SRPK1: variants seen among roughly 807,000 people sequenced by gnomAD.
SRPK1 encodes SFRS protein kinase 1.
SRPK1 carries 52 observed loss-of-function variants against 89.5 expected under a neutral mutation model. That is an observed-to-expected ratio of 0.58 (90% CI 0.46 to 0.73). SRPK1 has a LOEUF of 0.73. Among genes scored for constraint, SRPK1 ranks in the 30% least tolerant of loss-of-function variants. The pLI, the probability that SRPK1 is intolerant of heterozygous loss-of-function variation, is 0.00. For missense variants in SRPK1, 603 were observed against 780.6 expected (o/e 0.77, Z 2.71); for synonymous variants, 255 against 270.2 (o/e 0.94, Z 0.55).
chr6:35,852,507 T>C (rs1202540348), intron 13 of SRPK1, among the ~76,000 whole-genome samples: 2 of 152,176 alleles, frequency 1.3e-5, no homozygotes, highest in Admixed American at 6.5e-5. Flanking sequence ...ACTCAAAATA[T>C]TACTTACTAA....
At chr6:35,864,124 G>T (rs1769844539) in intron 12 of SRPK1, among the ~76,000 whole-genome samples, 1 of 152,152 alleles carries the variant, frequency 6.6e-6, no homozygotes. Context: ...CCAGGACACT[G>T]GTCTGGGCAA....
In SRPK1 at chr6:35,873,097, A is replaced by G. The variant is rs562119941; in HGVS notation, c.586-369T>C. 6.6e-5 allele frequency among the ~76,000 whole-genome samples: 10 copies of G among 152,344 alleles called. 1 individual carries two copies. The South Asian group carries it at 1.4e-3, about 22-fold the overall frequency. ...TTAATTCAAATTTCCTCACTGAGGAAGAATTGAGGTCTCTTGCTGCCCAGT... is the reference window on the plus strand; with the variant it reads ...TTAATTCAAATTTCCTCACTGAGGAGGAATTGAGGTCTCTTGCTGCCCAGT... On this transcript the variant is annotated intron_variant, in intron 7 of 15. Transcript: ENST00000373825.
Position 35,920,443 on chromosome 6 carries a change from T to C in SRPK1, c.74+25A>G, listed in dbSNP as rs760823470. 7 of 1,610,534 alleles carry C rather than the reference T, an allele frequency of 4.3e-6. No homozygotes were observed. The East Asian group carries it at 1.3e-4, about 31-fold the overall frequency. On this transcript the variant is annotated intron_variant, in intron 2 of 15. Coordinates refer to ENST00000373825, the MANE Select transcript of SRPK1 (RefSeq NM_003137.5). ...AGGTGCCGGAGGAAAATCCAAAGAA[T>C]GGGATGTTGGGGTACAAGACTCACT...
intron 11 of SRPK1, 25 bp downstream of exon 11, chr6:35,869,457 T>C: frequency 6.2e-7 from 1 of 1,602,602 alleles, no homozygotes; most frequent in South Asian, 1.1e-5. Context: ...GAAGGAGTGT[T>C]GAGGAAGTAT....
At chr6:35,873,492 C>CTT (rs141573769) in intron 7 of SRPK1, among the ~76,000 whole-genome samples, 12 of 147,352 alleles carry the variant, frequency 8.1e-5, no homozygotes, top group South Asian at 2.1e-4. Context: ...TAGCAATTAA[C>CTT]TTTTTTTTTT....
Position 35,886,781 on chromosome 6 carries a change from T to A in SRPK1, c.421A>T (p.Arg141Ter). 6.2e-7 allele frequency: 1 copy of A among 1,611,216 alleles called. No individual in the cohort carries two copies. Among genetic ancestry groups the A allele is most frequent in the Non-Finnish European group, 8.5e-7 (1 of 1,177,542 alleles). The change falls in exon 6 of 16, where the codon AGA becomes TGA. Residue 141 changes from arginine (R) to a stop codon, truncating the protein, a stop_gained. Transcript: ENST00000373825. LOFTEE classifies it high-confidence loss of function. ...VRNSDPNDPN[R>*]EMVVQLLDDF... ...TCTAGTAGTTGAACAACCATTTCTC[T>A]ATTTGGATCATTAGGGTCTGAATTG...
chr6:35,892,696 A>G (rs1216830092), intron 2 of SRPK1, among the ~76,000 whole-genome samples: 1 of 151,596 alleles, frequency 6.6e-6, no homozygotes, highest in South Asian at 2.1e-4. Flanking sequence ...CAACGACAAC[A>G]ACACAAAACA....
intron 2 of SRPK1, among the ~76,000 whole-genome samples, chr6:35,909,038 A>T (rs1260306722): frequency 6.6e-6 from 1 of 152,220 alleles, no homozygotes; most frequent in African/African-American, 2.4e-5. Flanking sequence ...GCAAAGGGGA[A>T]ATGTGGGGCT....
chr6:35,888,464 T>C (rs1348598047), intron 4 of SRPK1, among the ~76,000 whole-genome samples: 2 of 152,174 alleles, frequency 1.3e-5, no homozygotes, highest in South Asian at 2.1e-4. Context: ...TATATCTGTA[T>C]ATAGGCAAAA....
chr6:35,920,580 C>G (rs1771213230), intron 1 of SRPK1, 52 bp from the exon 2 acceptor site: 1 of 1,584,014 alleles, frequency 6.3e-7, no homozygotes, highest in East Asian at 2.3e-5. Context: ...AGGAGGCGAC[C>G]AAGGTGAGGG....
At chr6:35,850,076 T>C (rs534739001) in intron 13 of SRPK1, among the ~76,000 whole-genome samples, 11 of 151,990 alleles carry the variant, frequency 7.2e-5, no homozygotes, top group Admixed American at 3.3e-4. Context: ...AATCGGGAGA[T>C]GATTAAAGAG....
chr6:35,838,633 G>A, intron 14 of SRPK1: 1 of 1,555,434 alleles, frequency 6.4e-7, no homozygotes, highest in Non-Finnish European at 8.7e-7. Flanking sequence ...TGGATTCAGT[G>A]ATAACTAAAA....
chr6:35,919,951 A>G, intron 2 of SRPK1: 1 of 394,176 alleles, frequency 2.5e-6, no homozygotes, highest in South Asian at 1.9e-5. Context: ...AGGCTCAGGA[A>G]GTTGACTAAC....
At chr6:35,894,572 CT>C (rs1209598221) in intron 2 of SRPK1, among the ~76,000 whole-genome samples, 1 of 151,958 alleles carries the variant, frequency 6.6e-6, no homozygotes, top group Non-Finnish European at 1.5e-5. Context: ...AACGGAAGCT[CT>C]ACTTAATTTT....
Position 35,835,456 on chromosome 6 carries a change from A to G in SRPK1, c.1816T>C (p.Trp606Arg), listed in dbSNP as rs780646829. ...TCCACTAGAACCTCAAAAAGGCCCC[A>G]AGGTTTCAGCTTCGTGATATGTTTC... ...DLKHITKLKP[W>R]GLFEVLVEKY... Residue 606 changes from tryptophan (W) to arginine (R), a missense_variant, in exon 16 of 16, where the codon TGG becomes CGG. Coordinates refer to ENST00000373825, the MANE Select transcript of SRPK1 (RefSeq NM_003137.5). The G allele has an allele frequency of 6.2e-7, 1 of 1,613,610 alleles. No individual in the cohort carries two copies. Among genetic ancestry groups the G allele is most frequent in the Non-Finnish European group, 8.5e-7 (1 of 1,179,764 alleles).
chr6:35,870,134 C>T (rs1026609516), intron 10 of SRPK1, 147 bp downstream of exon 10: 1 of 841,404 alleles, frequency 1.2e-6, no homozygotes, highest in Non-Finnish European at 1.8e-6. Context: ...TTAAATATTA[C>T]CTGCCTAACA....
intron 13 of SRPK1, chr6:35,856,884 T>C (rs913832248): frequency 6.1e-6 from 1 of 163,798 alleles, no homozygotes; most frequent in East Asian, 1.7e-4. Context: ...AGCTGCTGAA[T>C]TGTACAAAAT....
At chr6:35,880,713 C>A in intron 6 of SRPK1, among the ~76,000 whole-genome samples, 1 of 21,936 alleles carries the variant, frequency 4.6e-5, no homozygotes, top group Non-Finnish European at 6.7e-5. Flanking sequence ...GAGTGAGACT[C>A]CATCTCAAAA....
intron 6 of SRPK1, among the ~76,000 whole-genome samples, chr6:35,886,335 C>A (rs926486981): frequency 2.0e-5 from 3 of 152,162 alleles, no homozygotes; most frequent in South Asian, 2.1e-4. Flanking sequence ...CTGCCTCGGC[C>A]TCCCAAAGTG....
Sources: gnomAD v4.1 joint callset for allele counts (sites outside exome capture counted in the v4.1 genomes callset) on GRCh38, gnomAD v4.1.1 for gene constraint, MANE v1.5 for transcripts, NCBI Gene and HGNC (gene_info 2026-07-23, HGNC 2026-07-21) for gene names.